Variants in SLC25A17 observed in about 807,000 individuals in gnomAD.
The protein encoded by SLC25A17 is solute carrier family 25 member 17, also known as peroxisomal membrane protein PMP34.
Under a neutral mutation model 38.5 loss-of-function variants are expected in SLC25A17, and 26 were observed. That is an observed-to-expected ratio of 0.68 (90% CI 0.50 to 0.94). SLC25A17 has a LOEUF of 0.94. SLC25A17 is among the 40% of genes least tolerant of loss of function. The pLI is 0.00. For synonymous variants in SLC25A17, 139 were observed against 136.2 expected, an observed-to-expected ratio of 1.02 and a Z score of -0.14; for missense variants, 333 against 372.7, an observed-to-expected ratio of 0.89 and a Z score of 0.88.
At chr22:40,801,520 C>G (rs1448190579) in intron 1 of SLC25A17, among the ~76,000 whole-genome samples, 1 of 151,704 alleles carries the variant, frequency 6.6e-6, no homozygotes, top group African/African-American at 2.4e-5. Context: ...TTTTGATGAC[C>G]CCAACATAAC....
chr22:40,775,458 TTTTTTTTTTTTTTTTTG>T (rs2057232902), intron 7 of SLC25A17, among the ~76,000 whole-genome samples: 1 of 55,206 alleles, frequency 1.8e-5, no homozygotes, highest in Admixed American at 1.4e-4. Flanking sequence ...TTTTTTTTTT[TTTTTTTTTTTTTTTTTG>T]AGACGGAGTC....
chr22:40,785,425 A>G (rs1026822695), intron 4 of SLC25A17, among the ~76,000 whole-genome samples: 4 of 152,226 alleles, frequency 2.6e-5, no homozygotes, highest in African/African-American at 4.8e-5. Context: ...TAATTTGTCT[A>G]AAGTTTATCA....
At chr22:40,806,251 G>A (rs1437617143) in intron 1 of SLC25A17, among the ~76,000 whole-genome samples, 1 of 152,160 alleles carries the variant, frequency 6.6e-6, no homozygotes, top group Non-Finnish European at 1.5e-5. Flanking sequence ...TTAAAGGAAA[G>A]GGTACACACA....
intron 4 of SLC25A17, among the ~76,000 whole-genome samples, chr22:40,785,218 T>C (rs1055415275): frequency 6.6e-6 from 1 of 152,188 alleles, no homozygotes; most frequent in Non-Finnish European, 1.5e-5. Flanking sequence ...ACCCCGTCTC[T>C]ACTAAAAATA....
chr22:40,777,997 A>G (rs2057261927), intron 5 of SLC25A17, among the ~76,000 whole-genome samples: 1 of 152,138 alleles, frequency 6.6e-6, no homozygotes, highest in Admixed American at 6.6e-5. Flanking sequence ...CTGAGCCCAC[A>G]TATTTCACAA....
intron 1 of SLC25A17, among the ~76,000 whole-genome samples, chr22:40,811,971 T>C (rs888996841): frequency 2.3e-4 from 24 of 106,522 alleles, no homozygotes; most frequent in African/African-American, 8.9e-4. Flanking sequence ...GATTTGGGGG[T>C]TCCTCTTTTT....
chr22:40,819,323 CG>C lies in SLC25A17; in HGVS notation c.-76del. 1 of 1,468,068 alleles carries C rather than the reference CG, an allele frequency of 6.8e-7. No homozygotes were observed. Among genetic ancestry groups the C allele is most frequent in the South Asian group, 1.1e-5 (1 of 87,674 alleles). 90.9% of individuals were successfully genotyped at this position (1,468,068 alleles called of 1,614,324 possible). ...GCCAGTGGAGTTAGGAAAGGAGCAC[CG>C]GAGCTCAGGGTGTGAGAGTCGCAAT... On this transcript the variant is annotated 5_prime_UTR_variant, in exon 1 of 9. Transcript: ENST00000435456.
intron 4 of SLC25A17, among the ~76,000 whole-genome samples, chr22:40,786,897 A>G (rs899985074): frequency 4.6e-5 from 7 of 152,236 alleles, no homozygotes; most frequent in African/African-American, 1.4e-4. Flanking sequence ...TTTAAATTTA[A>G]TTCATTCACT....
chr22:40,778,948 T>G (rs2057270681), intron 5 of SLC25A17, 61 bp downstream of exon 5: 1 of 1,383,466 alleles, frequency 7.2e-7, no homozygotes, highest in Admixed American at 1.7e-5. Flanking sequence ...TGTGGCAACA[T>G]ATTCCAGATA....
chr22:40,804,609 GTA>G (rs2057513286), intron 1 of SLC25A17, among the ~76,000 whole-genome samples: 1 of 152,110 alleles, frequency 6.6e-6, no homozygotes. Flanking sequence ...TGAGTTGCTT[GTA>G]TATTCTGGAT....
At chr22:40,784,583 G>C in intron 4 of SLC25A17, 1 of 262,652 alleles carries the variant, frequency 3.8e-6, no homozygotes, top group Non-Finnish European at 8.3e-6. Flanking sequence ...AACCAGCCTG[G>C]GCAACACAGA....
chr22:40,779,457 C>T (rs1177361017), intron 4 of SLC25A17: 13 of 544,130 alleles, frequency 2.4e-5, no homozygotes, highest in East Asian at 1.5e-4. Flanking sequence ...ATAATTTTAA[C>T]GTAACAGCTT....
At chr22:40,804,305 G>A (rs1415700218) in intron 1 of SLC25A17, among the ~76,000 whole-genome samples, 1 of 152,086 alleles carries the variant, frequency 6.6e-6, no homozygotes, top group African/African-American at 2.4e-5. Context: ...GTGTACTTGG[G>A]GCTCGCTGGT....
At chr22:40,773,883 G>T in intron 8 of SLC25A17, 54 bp downstream of exon 8, 1 of 1,233,768 alleles carries the variant, frequency 8.1e-7, no homozygotes, top group Non-Finnish European at 1.2e-6. Context: ...CCCCTCCCTG[G>T]CAGAGATGGC....
chr22:40,772,480 T>G (rs1439886384), intron 8 of SLC25A17, among the ~76,000 whole-genome samples: 1 of 151,960 alleles, frequency 6.6e-6, no homozygotes, highest in East Asian at 1.9e-4. Flanking sequence ...AATTTTTTAT[T>G]TGTGTAGAGA....
chr22:40,776,121 C>T (rs906129924), intron 7 of SLC25A17: 1 of 280,518 alleles, frequency 3.6e-6, no homozygotes, highest in African/African-American at 2.3e-5. Context: ...CCATGCCCCT[C>T]TCCAGTAAAT....
chr22:40,806,671 A>C (rs2057533080), intron 1 of SLC25A17, among the ~76,000 whole-genome samples: 1 of 152,202 alleles, frequency 6.6e-6, no homozygotes, highest in Non-Finnish European at 1.5e-5. Flanking sequence ...CCAGTACCAA[A>C]GTTCCAAAAT....
chr22:40,797,089 A>G (rs1438672065), intron 2 of SLC25A17, among the ~76,000 whole-genome samples: 1 of 152,216 alleles, frequency 6.6e-6, no homozygotes, highest in African/African-American at 2.4e-5. Flanking sequence ...GAAACTGATA[A>G]ACATGCTACC....
At chr22:40,796,615 CAA>C (rs766239207) in intron 2 of SLC25A17, among the ~76,000 whole-genome samples, 31 of 96,340 alleles carry the variant, frequency 3.2e-4, no homozygotes, top group Admixed American at 5.3e-4. Context: ...GACTCTGTCT[CAA>C]AAAAAAAAAA....
Sources: allele counts gnomAD v4.1 joint callset (sites outside exome capture counted in the v4.1 genomes callset), GRCh38; gene constraint gnomAD v4.1.1; transcripts MANE v1.5; gene names NCBI Gene and HGNC (gene_info 2026-07-23, HGNC 2026-07-21).